Variants in CDK19 observed in about 807,000 individuals in gnomAD.
The protein encoded by CDK19 is cyclin-dependent kinase 19.
Under a neutral mutation model 68.3 loss-of-function variants are expected in CDK19, and 20 were observed. The ratio of observed to expected loss-of-function variants is 0.29; its 90% CI spans 0.21 to 0.43. The LOEUF (loss-of-function observed/expected upper bound fraction) is 0.43, where lower values mean the gene tolerates loss of function less well. Among genes scored for constraint, CDK19 ranks in the 20% least tolerant of loss-of-function variants. The pLI, the probability that CDK19 is intolerant of heterozygous loss-of-function variation, is 1.00. For synonymous variants in CDK19, 221 were observed against 222.8 expected (o/e 0.99, Z 0.07); for missense variants, 339 against 623.5 (o/e 0.54, Z 4.86).
At chr6:110,766,829 G>A (rs537069463) in intron 1 of CDK19, among the ~76,000 whole-genome samples, 6 of 151,644 alleles carry the variant, frequency 4.0e-5, no homozygotes, top group Non-Finnish European at 8.8e-5. Flanking sequence ...GTGAGACCCT[G>A]TCTCTAAGAA....
chr6:110,802,028 G>A (rs1782380745), intron 1 of CDK19, among the ~76,000 whole-genome samples: 1 of 152,094 alleles, frequency 6.6e-6, no homozygotes, highest in African/African-American at 2.4e-5. Context: ...AAAATAAAAA[G>A]CAAGAGATGT....
At chr6:110,757,651 A>T (rs897930297) in intron 1 of CDK19, among the ~76,000 whole-genome samples, 1 of 152,214 alleles carries the variant, frequency 6.6e-6, no homozygotes, top group Non-Finnish European at 1.5e-5. Flanking sequence ...ATATAGGTTC[A>T]ACTATTTGTG....
intron 2 of CDK19, among the ~76,000 whole-genome samples, chr6:110,687,536 T>C (rs1389311771): frequency 1.3e-5 from 2 of 152,308 alleles, no homozygotes; most frequent in South Asian, 4.1e-4. Context: ...ATTGTTTCCA[T>C]TAAACAAAAA....
At chr6:110,705,804 T>TG (rs1010529818) in intron 2 of CDK19, among the ~76,000 whole-genome samples, 2 of 151,996 alleles carry the variant, frequency 1.3e-5, no homozygotes, top group African/African-American at 2.4e-5. Flanking sequence ...AGTTGAACAA[T>TG]GAGAACATAT....
intron 1 of CDK19, among the ~76,000 whole-genome samples, chr6:110,810,498 G>C (rs1783003986): frequency 6.6e-6 from 1 of 152,194 alleles, no homozygotes; most frequent in Non-Finnish European, 1.5e-5. Context: ...AGCATGGCCA[G>C]GTAAGGTGGC....
intron 1 of CDK19, among the ~76,000 whole-genome samples, chr6:110,769,905 T>C (rs946061224): frequency 1.3e-5 from 2 of 152,164 alleles, no homozygotes; most frequent in African/African-American, 4.8e-5. Context: ...CCAACTAGCC[T>C]GCAAATGTAT....
intron 1 of CDK19, among the ~76,000 whole-genome samples, chr6:110,796,922 A>C (rs1296456263): frequency 6.6e-6 from 1 of 151,104 alleles, no homozygotes; most frequent in Non-Finnish European, 1.5e-5. Flanking sequence ...AGGCACGAGA[A>C]TTGCTTGAAC....
At chr6:110,794,695 G>A (rs1007112210) in intron 1 of CDK19, among the ~76,000 whole-genome samples, 25 of 151,884 alleles carry the variant, frequency 1.6e-4, no homozygotes, top group African/African-American at 4.6e-4. Flanking sequence ...GAGCCACCAC[G>A]CCTGGCCTGA....
chr6:110,795,280 T>C (rs1781864789), intron 1 of CDK19, among the ~76,000 whole-genome samples: 1 of 152,230 alleles, frequency 6.6e-6, no homozygotes, highest in Admixed American at 6.5e-5. Context: ...TTAAACTTCC[T>C]GCTTTTTAGT....
intron 8 of CDK19, among the ~76,000 whole-genome samples, chr6:110,624,930 T>C (rs1469148388): frequency 2.0e-5 from 3 of 152,118 alleles, no homozygotes; most frequent in Non-Finnish European, 4.4e-5. Flanking sequence ...ATCTGAAAAG[T>C]GGAAATTATA....
At chr6:110,652,732 G>A (rs996796161) in intron 4 of CDK19, among the ~76,000 whole-genome samples, 1 of 152,144 alleles carries the variant, frequency 6.6e-6, no homozygotes, top group Non-Finnish European at 1.5e-5. Flanking sequence ...CAGAGAATAT[G>A]AGCAACACAA....
chr6:110,710,916 T>C (rs775369709), intron 2 of CDK19, among the ~76,000 whole-genome samples: 2 of 152,186 alleles, frequency 1.3e-5, no homozygotes, highest in Non-Finnish European at 2.9e-5. Flanking sequence ...GATTCTTATA[T>C]TGCATGTAAA....
At chr6:110,644,905 T>C (rs1780451934) in intron 4 of CDK19, among the ~76,000 whole-genome samples, 1 of 152,156 alleles carries the variant, frequency 6.6e-6, no homozygotes, top group Admixed American at 6.5e-5. Context: ...CACTATATAA[T>C]GATACAAAGT....
chr6:110,732,582 T>A (rs1277962898), intron 2 of CDK19, among the ~76,000 whole-genome samples: 3 of 152,118 alleles, frequency 2.0e-5, no homozygotes. Context: ...TACCCTCAAC[T>A]CTTCCTTGCA....
chr6:110,745,657 T>C (rs1441172983), intron 2 of CDK19, among the ~76,000 whole-genome samples: 1 of 152,182 alleles, frequency 6.6e-6, no homozygotes, highest in Non-Finnish European at 1.5e-5. Context: ...TATTCAAAGA[T>C]GACTTTCAAG....
chr6:110,711,855 C>A (rs1774967671), intron 2 of CDK19, among the ~76,000 whole-genome samples: 1 of 152,202 alleles, frequency 6.6e-6, no homozygotes, highest in Non-Finnish European at 1.5e-5. Context: ...GCAGTCCTAG[C>A]TACTTGGGAG....
intron 2 of CDK19, among the ~76,000 whole-genome samples, chr6:110,695,433 A>C (rs985783398): frequency 3.9e-5 from 6 of 152,216 alleles, no homozygotes; most frequent in Admixed American, 3.9e-4. Context: ...CTAAAGTCAC[A>C]CCTCAAGGAG....
chr6:110,744,556 T>C (rs1280310832), intron 2 of CDK19, among the ~76,000 whole-genome samples: 2 of 152,024 alleles, frequency 1.3e-5, no homozygotes, highest in African/African-American at 2.4e-5. Flanking sequence ...AAAATAAAAG[T>C]AACACAAACT....
At chr6:110,734,167 G>A (rs919825207) in intron 2 of CDK19, among the ~76,000 whole-genome samples, 2 of 151,996 alleles carry the variant, frequency 1.3e-5, no homozygotes, top group East Asian at 1.9e-4. Flanking sequence ...CCGCTACCAC[G>A]TCAGGCTAAT....
Sources: allele counts gnomAD v4.1 joint callset (sites outside exome capture counted in the v4.1 genomes callset), GRCh38; gene constraint gnomAD v4.1.1; transcripts MANE v1.5; gene names NCBI Gene and HGNC (gene_info 2026-07-23, HGNC 2026-07-21).